Variants in FAT4 observed in about 807,000 individuals in gnomAD.
The protein encoded by FAT4 is FAT atypical cadherin 4, also known as protocadherin Fat 4.
FAT4 carries 84 observed loss-of-function variants against 303.9 expected under a neutral mutation model. The ratio of observed to expected loss-of-function variants is 0.28; its 90% CI spans 0.23 to 0.33. FAT4 has a LOEUF of 0.33. Ranked by LOEUF, FAT4 falls within the 10% of genes least tolerant of loss-of-function variation. The pLI, the probability that FAT4 is intolerant of heterozygous loss-of-function variation, is 1.00. For missense variants in FAT4, 6,005 were observed against 6,146.8 expected (o/e 0.98, Z 0.77); for synonymous variants, 2,307 against 2,298.8 (o/e 1.00, Z -0.10).
intron 2 of FAT4, 85 bp downstream of exon 2, chr4:125,321,671 A>G (rs1024724933): frequency 1.1e-5 from 14 of 1,297,594 alleles, no homozygotes; most frequent in Non-Finnish European, 1.4e-5. Flanking sequence ...ATAATTGTTT[A>G]CCTTCATTGT....
rs542815164 is a variant in FAT4, at chr4:125,394,126, C to G, written c.5176-4658C>G. Reference sequence around the variant, plus strand: ...CAACATTTGGTAGGCATGCAGAAAACATGGAAGTGCCTTATCTTAACGGGA... The same window carrying G: ...CAACATTTGGTAGGCATGCAGAAAAGATGGAAGTGCCTTATCTTAACGGGA... On this transcript the variant is annotated intron_variant, in intron 2 of 17. Transcript: ENST00000394329. The G allele has an allele frequency of 1.0e-5, 6 of 587,206 alleles. No homozygotes were observed. The African/African-American group carries it at 1.1e-4, about 11-fold the overall frequency. 36.4% of individuals were successfully genotyped at this position (587,206 alleles called of 1,614,324 possible).
In FAT4 at chr4:125,317,229, C is replaced by A; in HGVS notation, c.818C>A (p.Ala273Glu). Residue 273 changes from alanine to glutamate, a missense_variant, in exon 2 of 18, where the codon GCG becomes GAG. Physicochemically the swap from Ala to Glu is moderately radical, Grantham distance 107 (BLOSUM62 -1). Transcript: ENST00000394329. This position sits in a 1 kb window ranked among gnomAD's most constrained non-coding sequence, Gnocchi z 7.0. ...GTGGGTTCCAGCGTCCTCCAGGTGG[C>A]GGCGGCGGACGCGGACGAGGGCACC... ...AVVGSSVLQVAAADADEGTNA... is the reference protein window; with the variant it reads ...AVVGSSVLQVEAADADEGTNA... 1 of 1,579,596 alleles carries A rather than the reference C, an allele frequency of 6.3e-7. No individual in the cohort carries two copies. The highest frequency in any genetic ancestry group is 8.6e-7 in the Non-Finnish European group (1 of 1,160,416).
Position 125,317,098 on chromosome 4 carries a change from G to C in FAT4, c.687G>C (p.Lys229Asn). Reference sequence around the variant, plus strand: ...AGGTGGAGGACAAGGGTGAGCCTAAGCGGCGGGGCTACCTTCAGGTAAACG... The same window carrying C: ...AGGTGGAGGACAAGGGTGAGCCTAACCGGCGGGGCTACCTTCAGGTAAACG... ...LVEVEDKGEP[K>N]RRGYLQVNVT... The change falls in exon 2 of 18, where the codon AAG (lysine) becomes AAC (asparagine). Residue 229 changes from lysine (K) to asparagine (N), a missense_variant. By Grantham distance (94) the Lys-to-Asn change is moderately conservative. Coordinates refer to ENST00000394329, the MANE Select transcript of FAT4 (RefSeq NM_001291303.3). The surrounding 1 kb of genome is among the most constrained non-coding windows in gnomAD (Gnocchi z 7.0). The C allele has an allele frequency of 3.7e-6, 6 of 1,613,932 alleles. 1 individual carries two copies. Among genetic ancestry groups the C allele is most frequent in the Non-Finnish European group, 5.1e-6 (6 of 1,180,048 alleles).
At chr4:125,391,103 A>G (rs1733958618) in intron 2 of FAT4, among the ~76,000 whole-genome samples, 1 of 152,204 alleles carries the variant, frequency 6.6e-6, no homozygotes, top group African/African-American at 2.4e-5. Flanking sequence ...ATTGTAGAAG[A>G]CAATGGCAAT....
Position 125,318,011 on chromosome 4 carries a change from A to G in FAT4, c.1600A>G (p.Thr534Ala). The change falls in exon 2 of 18, where the codon ACT becomes GCT. Residue 534 changes from threonine (T) to alanine (A), a missense_variant. By Grantham distance (58) the Thr-to-Ala change is moderately conservative. Transcript: ENST00000394329. ...HISEHSGLVT[T>A]GSSGGLDREL... ...CAGTGAACATAGCGGCCTCGTGACC[A>G]CTGGGTCCTCTGGGGGCCTGGACCG... The G allele has an allele frequency of 1.2e-6, 2 of 1,614,088 alleles. No individual in the cohort carries two copies. Among genetic ancestry groups the G allele is most frequent in the East Asian group, 2.2e-5 (1 of 44,862 alleles).
rs766302463 is a variant in FAT4, at chr4:125,317,748, C to T, written c.1337C>T (p.Ala446Val). The change falls in exon 2 of 18, where the codon GCG becomes GTG. Residue 446 changes from alanine (A) to valine (V), a missense_variant. Transcript: ENST00000394329. This position sits in a 1 kb window ranked among gnomAD's most constrained non-coding sequence, Gnocchi z 7.0. ...GTTTCCGTCTCTGATAACTACGGGG[C>T]GCCCCCTGGCGCAGCAGTCCAGGCG... ...LTVSVSDNYG[A>V]PPGAAVQARS... The T allele has an allele frequency of 1.9e-6, 3 of 1,613,958 alleles. No individual in the cohort carries two copies. Among genetic ancestry groups the T allele is most frequent in the South Asian group, 2.2e-5 (2 of 91,080 alleles).
chr4:125,421,792 TAGATA>T (rs1346590688), intron 7 of FAT4, among the ~76,000 whole-genome samples: 1 of 152,132 alleles, frequency 6.6e-6, no homozygotes, highest in Non-Finnish European at 1.5e-5. Flanking sequence ...AAGGCTGGGA[TAGATA>T]AGCAGTGTGC....
chr4:125,393,411 A>G (rs1734045923), intron 2 of FAT4, among the ~76,000 whole-genome samples: 1 of 152,154 alleles, frequency 6.6e-6, no homozygotes, highest in South Asian at 2.1e-4. Context: ...TATCAATTTA[A>G]ATTGGGGAAA....
At position 125,448,756 on chromosome 4, in the gene FAT4, A is replaced by G. The variant is rs980662752; in HGVS notation, c.7746A>G (p.Gln2582=). 12 of 1,612,838 alleles carry G rather than the reference A, an allele frequency of 7.4e-6. No individual in the cohort carries two copies. Among genetic ancestry groups the G allele is most frequent in the African/African-American group, 2.7e-5 (2 of 74,910 alleles). Reference sequence around the variant, plus strand: ...AAACGTTCATGTTTCCTGAAAACCAACCAGTCAGCTCTCTTGTCACCACCA... The same window carrying G: ...AAACGTTCATGTTTCCTGAAAACCAGCCAGTCAGCTCTCTTGTCACCACCA... The part of the protein sequence containing the change: ...KEQTFMFPEN[Q]PVSSLVTTIT... The change falls in exon 10 of 18, where the codon CAA becomes CAG. Residue 2582 remains glutamine, a synonymous_variant. Coordinates refer to ENST00000394329, the MANE Select transcript of FAT4 (RefSeq NM_001291303.3).
chr4:125,350,785 A>G (rs548000056), intron 2 of FAT4, among the ~76,000 whole-genome samples: 16 of 151,750 alleles, frequency 1.1e-4, no homozygotes, highest in Non-Finnish European at 1.9e-4. Context: ...CTCATTCTCT[A>G]CAGTAAGCCA....
At chr4:125,445,296 A>G (rs1310805786) in intron 8 of FAT4, among the ~76,000 whole-genome samples, 1 of 152,102 alleles carries the variant, frequency 6.6e-6, no homozygotes, top group Non-Finnish European at 1.5e-5. Flanking sequence ...TTAAGCTGTG[A>G]GCATAATAGG....
intron 4 of FAT4, among the ~76,000 whole-genome samples, chr4:125,407,488 A>AG (rs1553967946): frequency 6.6e-6 from 1 of 151,674 alleles, no homozygotes; most frequent in Non-Finnish European, 1.5e-5. Context: ...CAAAAAAAAA[A>AG]TACATGAAAA....
Position 125,452,171 on chromosome 4 carries a change from G to C in FAT4, c.11161G>C (p.Val3721Leu), listed in dbSNP as rs557732280. 5 of 1,614,184 alleles carry C rather than the reference G, an allele frequency of 3.1e-6. No homozygotes were observed. Among genetic ancestry groups the C allele is most frequent in the Admixed American group, 3.3e-5 (2 of 60,016 alleles). ...VDNSILLRLG[V>L]PTVKDFLTNH... ...TAACAGCATCTTACTTCGTCTCGGC[G>C]TACCAACAGTAAAGGACTTCTTGAC... The change falls in exon 10 of 18, where the codon GTA becomes CTA. Residue 3721 changes from valine (V) to leucine (L), a missense_variant. Coordinates refer to ENST00000394329, the MANE Select transcript of FAT4 (RefSeq NM_001291303.3).
chr4:125,482,068 C>T (rs1282798833), intron 16 of FAT4, among the ~76,000 whole-genome samples: 1 of 151,966 alleles, frequency 6.6e-6, no homozygotes, highest in Non-Finnish European at 1.5e-5. Flanking sequence ...ACAAAGCAAA[C>T]CAAAAATATA....
At chr4:125,416,692 C>A in intron 7 of FAT4, 70 bp downstream of exon 7, 1 of 1,515,330 alleles carries the variant, frequency 6.6e-7, no homozygotes, top group South Asian at 1.2e-5. Flanking sequence ...ATGCCTGTAA[C>A]CCCAGCACTT....
chr4:125,402,398 T>A (rs1734422386), intron 3 of FAT4, among the ~76,000 whole-genome samples: 1 of 151,888 alleles, frequency 6.6e-6, no homozygotes. Context: ...ATGTACAGAG[T>A]GTGGTCAGAT....
In FAT4 at chr4:125,452,222, AT is replaced by A; in HGVS notation, c.11214del (p.Ile3738MetfsTer6). On this transcript the variant is annotated frameshift_variant, in exon 10 of 18. Transcript: ENST00000394329. LOFTEE classifies it high-confidence loss of function. ...CAACCACTATCTTCATTTTTTACGCATTGCCAGCTCACAGCTGACAGGCTTA... is the reference window on the plus strand; with the variant it reads ...CAACCACTATCTTCATTTTTTACGCATGCCAGCTCACAGCTGACAGGCTTA... Reference protein sequence around the residue: ...LTNHYLHFLRIASSQLTGLGT... With the variant: ...LTNHYLHFLRXASSQLTGLGT... 6.2e-7 allele frequency: 1 copy of A among 1,614,192 alleles called. No individual in the cohort carries two copies. The highest frequency in any genetic ancestry group is 8.5e-7 in the Non-Finnish European group (1 of 1,180,040).
In FAT4 at chr4:125,452,480, G is replaced by T. The variant is rs768733407; in HGVS notation, c.11470G>T (p.Ala3824Ser). ...TGGAGGGAGCTGTCTACGAAGATTGGCTGTGAGCTCCGTATTAAAAAGCCG... is the reference window on the plus strand; with the variant it reads ...TGGAGGGAGCTGTCTACGAAGATTGTCTGTGAGCTCCGTATTAAAAAGCCG... ...QNGGSCLRRL[A>S]VSSVLKSRES... The change falls in exon 10 of 18, where the codon GCT becomes TCT. Residue 3824 changes from alanine to serine, a missense_variant. By Grantham distance (99) the Ala-to-Ser change is moderately conservative. Coordinates refer to ENST00000394329, the MANE Select transcript of FAT4 (RefSeq NM_001291303.3). 2.5e-6 allele frequency: 4 copies of T among 1,613,836 alleles called. No homozygotes were observed. In the African/African-American group the frequency reaches 5.3e-5, roughly 22 times the overall value.
chr4:125,407,093 T>A lies in FAT4; in HGVS notation c.5521T>A (p.Phe1841Ile), dbSNP rs2126019822. Residue 1841 changes from phenylalanine (F) to isoleucine (I), a missense_variant, in exon 4 of 18, where the codon TTT (phenylalanine) becomes ATT (isoleucine). By Grantham distance (21) the Phe-to-Ile change is conservative. Transcript: ENST00000394329. ...TGATGTGAATGACCATACACCCAAA[T>A]TTTCCAGACCCGTGTACTCTTTTGA... ...VSDVNDHTPK[F>I]SRPVYSFDIP... 1 of 1,613,740 alleles carries A rather than the reference T, an allele frequency of 6.2e-7. No individual in the cohort carries two copies. The highest frequency in any genetic ancestry group is 1.1e-5 in the South Asian group (1 of 91,072).
Sources: allele counts gnomAD v4.1 joint callset (sites outside exome capture counted in the v4.1 genomes callset), GRCh38; gene constraint gnomAD v4.1.1; non-coding constraint Gnocchi (gnomAD v3.1); transcripts MANE v1.5; gene names NCBI Gene and HGNC (gene_info 2026-07-23, HGNC 2026-07-21).